FCGR3B: variants seen among roughly 807,000 people sequenced by gnomAD.
The protein encoded by FCGR3B is low affinity immunoglobulin gamma Fc region receptor III-B.
Under a neutral mutation model 26.7 loss-of-function variants are expected in FCGR3B, and 20 were observed. That is an observed-to-expected ratio of 0.75 (90% confidence interval 0.53 to 1.09). The LOEUF is 1.09. FCGR3B is among the 50% of genes least tolerant of loss of function. FCGR3B has a pLI of 0.00. For missense variants in FCGR3B, 191 were observed against 279.7 expected (o/e 0.68, Z 2.26); for synonymous variants, 79 against 107.0 (o/e 0.74, Z 1.62).
Position 161,627,150 on chromosome 1 carries a change from C to T in FCGR3B, c.320-748G>A, listed in dbSNP as rs1426083859. ...ACATGAGGTCATGGTCGGGAAATGG[C>T]CTGAATAATTAAAAAAATAATGATG... On this transcript the variant is annotated intron_variant, in intron 3 of 4. Coordinates refer to ENST00000650385, the MANE Select transcript of FCGR3B (RefSeq NM_001244753.2). 2.0e-5 allele frequency among the ~76,000 whole-genome samples: 3 copies of T among 149,330 alleles called. 1 individual carries two copies. The highest frequency in any genetic ancestry group is 7.5e-5 in the African/African-American group (3 of 39,986).
chr1:161,624,856 G>T (rs1456106941), intron 4 of FCGR3B, among the ~76,000 whole-genome samples: 4 of 147,540 alleles, frequency 2.7e-5, no homozygotes, highest in Non-Finnish European at 6.0e-5. Context: ...CTTAGCAAAG[G>T]CTCCTGCTTG....
Position 161,626,169 on chromosome 1 carries a change from T to C in FCGR3B, c.553A>G (p.Thr185Ala). ...LVGSKNVSSETVNITITQGLA... is the reference protein window; with the variant it reads ...LVGSKNVSSEAVNITITQGLA... The stretch of plus-strand genomic sequence containing the variant: ...CCTTGAGTGATGGTGATGTTCACAG[T>C]CTCTGAAGACACATTTTTACTCCCA... The change falls in exon 4 of 5, where the codon ACT becomes GCT. Residue 185 changes from threonine to alanine, a missense_variant. By Grantham distance (58) the Thr-to-Ala change is moderately conservative. This residue lies in a region of FCGR3B where 103 missense variants were observed against 114.5 expected (regional missense o/e 0.90). Transcript: ENST00000650385. 1 of 1,609,448 alleles carries C rather than the reference T, an allele frequency of 6.2e-7. No homozygotes were observed. The highest frequency in any genetic ancestry group is 1.7e-5 in the Admixed American group (1 of 59,636).
chr1:161,627,358 T>C (rs1429920347), intron 3 of FCGR3B, among the ~76,000 whole-genome samples: 1 of 150,332 alleles, frequency 6.7e-6, no homozygotes, highest in Non-Finnish European at 1.5e-5. Flanking sequence ...ATTTCTCCTG[T>C]TTACTTTTAT....
Position 161,626,980 on chromosome 1 carries a change from G to A in FCGR3B, c.320-578C>T, listed in dbSNP as rs770171517. On this transcript the variant is annotated intron_variant, in intron 3 of 4. Transcript: ENST00000650385. ...GGCGGGACTGGTAGTGCTCAGAGTGGCAATTCGTGGTTTCTAAGGTGTCAC... is the reference window on the plus strand; with the variant it reads ...GGCGGGACTGGTAGTGCTCAGAGTGACAATTCGTGGTTTCTAAGGTGTCAC... Among the ~76,000 whole-genome samples the A allele has an allele frequency of 5.3e-5, 8 of 149,964 alleles. 1 individual carries two copies. The highest frequency in any genetic ancestry group is 6.9e-3 in the Middle Eastern group (2 of 290).
intron 3 of FCGR3B, among the ~76,000 whole-genome samples, chr1:161,629,568 G>GT (rs561749170): frequency 8.9e-4 from 6 of 6,734 alleles, no homozygotes; most frequent in African/African-American, 9.5e-4. Context: ...CAATGCAGCA[G>GT]CCTATATCTA....
intron 3 of FCGR3B, among the ~76,000 whole-genome samples, chr1:161,627,751 C>A (rs1679535152): frequency 6.7e-6 from 1 of 150,036 alleles, no homozygotes; most frequent in African/African-American, 2.5e-5. Context: ...TGTGTATATT[C>A]CTTCAAGTGA....
intron 3 of FCGR3B, among the ~76,000 whole-genome samples, chr1:161,627,642 T>A (rs963836745): frequency 2.0e-5 from 3 of 150,384 alleles, no homozygotes; most frequent in Non-Finnish European, 4.4e-5. Context: ...AAGAGATGAA[T>A]CATTATTAGC....
intron 4 of FCGR3B, among the ~76,000 whole-genome samples, chr1:161,625,034 A>G (rs1200291932): frequency 1.7e-5 from 2 of 119,386 alleles, no homozygotes; most frequent in Non-Finnish European, 4.1e-5. Flanking sequence ...TCCAAACTTA[A>G]AAAAAATGAC....
intron 4 of FCGR3B, among the ~76,000 whole-genome samples, chr1:161,625,412 C>G (rs77797911): frequency 0.9 from 55,040 of 61,134 alleles, 25,669 homozygotes; most frequent in Middle Eastern, 0.99. Context: ...ATTAGTGCTT[C>G]TTCAAATCTT....
At chr1:161,631,441 A>G (rs35293629), upstream of FCGR3B, 208,230 of 554,350 alleles carry the variant, frequency 0.38, 38,710 homozygotes, top group East Asian at 0.62. Context: ...TCCTGGATTT[A>G]GATCCACCCA....
chr1:161,631,223 C>A (rs1557885323), upstream of FCGR3B: 2 of 1,578,688 alleles, frequency 1.3e-6, 1 homozygote, highest in South Asian at 2.3e-5. Flanking sequence ...TGCCAGTTTC[C>A]TTTTCTTGAA....
intron 3 of FCGR3B, among the ~76,000 whole-genome samples, chr1:161,628,011 C>T (rs1378960584): frequency 6.7e-6 from 1 of 150,206 alleles, no homozygotes; most frequent in Admixed American, 6.7e-5. Context: ...CGGTGGCTCA[C>T]ATCTGTAATC....
At position 161,631,148 on chromosome 1, in the gene FCGR3B, C is replaced by A. The variant is rs754332691; in HGVS notation, c.-54G>T. 3.7e-6 allele frequency: 6 copies of A among 1,607,816 alleles called. No homozygotes were observed. Among genetic ancestry groups the A allele is most frequent in the South Asian group, 2.2e-5 (2 of 90,274 alleles). ...AAAGATATCCGGAGCCCTAAAGGGA[C>A]CAAGCCGACTAGACAGGAGGGAGTA... On this transcript the variant is annotated 5_prime_UTR_variant, in exon 1 of 5. Transcript: ENST00000650385.
chr1:161,630,827 C>G, intron 1 of FCGR3B: 1 of 1,010,280 alleles, frequency 9.9e-7, no homozygotes, highest in Non-Finnish European at 1.4e-6. Flanking sequence ...TTCTGGGACC[C>G]AGAGGGGTGA....
chr1:161,627,953 G>A (rs1197725829), intron 3 of FCGR3B, among the ~76,000 whole-genome samples: 1 of 150,146 alleles, frequency 6.7e-6, no homozygotes, highest in Non-Finnish European at 1.5e-5. Context: ...CGACTAGATT[G>A]GAATAAAGAA....
Position 161,626,236 on chromosome 1 carries a change from G to A in FCGR3B, c.486C>T (p.Ala162=), listed in dbSNP as rs1679453718. Residue 162 remains alanine (A), a synonymous_variant, in exon 4 of 5, where the codon GCC becomes GCT. Transcript: ENST00000650385. ...AGTAGGAGCCGCTATCTTTGAGTGT[G>A]GCTTTTGGAATGTGGAAGTCAGAAT... ...HHNSDFHIPK[A]TLKDSGSYFC... is the part of the protein sequence containing the mutation. 2.5e-6 allele frequency: 4 copies of A among 1,608,624 alleles called. No homozygotes were observed. The highest frequency in any genetic ancestry group is 3.4e-6 in the Non-Finnish European group (4 of 1,177,616).
upstream of FCGR3B, chr1:161,631,363 G>T: frequency 8.6e-6 from 6 of 697,242 alleles, no homozygotes; most frequent in Non-Finnish European, 1.4e-5. Context: ...CTGCGGCTGA[G>T]CATCTGAGGA....
At chr1:161,626,819 A>G (rs1489436929) in intron 3 of FCGR3B, among the ~76,000 whole-genome samples, 3 of 150,494 alleles carry the variant, frequency 2.0e-5, no homozygotes, top group Non-Finnish European at 4.4e-5. Context: ...GAAAAGGTAG[A>G]TTTCAGAAGG....
Position 161,623,595 on chromosome 1 carries a change from T to G in FCGR3B, c.*920A>C, listed in dbSNP as rs894692565. On this transcript the variant is annotated 3_prime_UTR_variant, in exon 5 of 5. Coordinates refer to ENST00000650385, the MANE Select transcript of FCGR3B (RefSeq NM_001244753.2). ...GCATTTTCACCTCCTGCGCTTTCCTTCCTGTGTGCTTCTGGTTGGTTCTTT... is the reference window on the plus strand; with the variant it reads ...GCATTTTCACCTCCTGCGCTTTCCTGCCTGTGTGCTTCTGGTTGGTTCTTT... 1.1e-4 allele frequency: 17 copies of G among 148,796 alleles called. 2 individuals carry two copies. Among genetic ancestry groups the G allele is most frequent in the African/African-American group, 4.3e-4 (17 of 39,820 alleles). The allele number at this position is 148,796 out of a possible 1,614,324, so 9.2% of individuals were successfully genotyped here.
Sources: allele counts gnomAD v4.1 joint callset (sites outside exome capture counted in the v4.1 genomes callset), GRCh38; gene constraint gnomAD v4.1.1; regional missense constraint gnomAD v4.1.1; transcripts MANE v1.5; gene names NCBI Gene and HGNC (gene_info 2026-07-23, HGNC 2026-07-21).